The following KLHL29 variants were observed in gnomAD, a reference collection of about 807,000 sequenced individuals.
KLHL29 encodes kelch like family member 29.
KLHL29 carries 21 observed loss-of-function variants against 80.4 expected under a neutral mutation model. That is an observed-to-expected ratio of 0.26 (90% CI 0.19 to 0.38). The LOEUF (loss-of-function observed/expected upper bound fraction) is 0.38. Ranked by LOEUF, KLHL29 falls within the 10% of genes least tolerant of loss-of-function variation. The pLI, the probability that KLHL29 is intolerant of heterozygous loss-of-function variation, is 1.00. For synonymous variants in KLHL29, 511 were observed against 526.8 expected, an observed-to-expected ratio of 0.97 and a Z score of 0.41; for missense variants, 867 against 1,223.9, an observed-to-expected ratio of 0.71 and a Z score of 4.35.
chr2:23,628,271 G>A (rs550265874), intron 3 of KLHL29, among the ~76,000 whole-genome samples: 53 of 152,298 alleles, frequency 3.5e-4, no homozygotes, highest in Non-Finnish European at 5.9e-4. Context: ...AAAGGGAGTC[G>A]CAGATAATGG....
chr2:23,646,557 A>T (rs892279973), intron 5 of KLHL29, among the ~76,000 whole-genome samples: 1 of 152,080 alleles, frequency 6.6e-6, no homozygotes, highest in African/African-American at 2.4e-5. Flanking sequence ...CGGACTTCAT[A>T]TTTTGCAGGG....
intron 1 of KLHL29, among the ~76,000 whole-genome samples, chr2:23,468,206 C>T (rs1320643275): frequency 2.0e-5 from 3 of 152,014 alleles, no homozygotes; most frequent in African/African-American, 7.2e-5. Flanking sequence ...TGGTCATTGC[C>T]ATCAAACGGC....
At chr2:23,583,435 C>T (rs138720621) in intron 3 of KLHL29, among the ~76,000 whole-genome samples, 33 of 152,306 alleles carry the variant, frequency 2.2e-4, no homozygotes, top group Non-Finnish European at 3.5e-4. Flanking sequence ...TCCTTGGTGT[C>T]GAAAAATGTT....
Position 23,533,842 on chromosome 2 carries a change from A to G in KLHL29, c.-45-28310A>G, listed in dbSNP as rs576503735. Among the ~76,000 whole-genome samples the G allele has an allele frequency of 4.7e-4, 71 of 152,238 alleles. 1 individual carries two copies. In the South Asian group the frequency reaches 0.013, roughly 27 times the overall value. On this transcript the variant is annotated intron_variant, in intron 2 of 13. Transcript: ENST00000486442. ...AACCTTTGTGAACCCGGTTTGGGCT[A>G]TTTTGTATCAATAAGACTGCTTTCA...
chr2:23,508,919 C>T (rs545344743), intron 2 of KLHL29, among the ~76,000 whole-genome samples: 1 of 152,344 alleles, frequency 6.6e-6, no homozygotes, highest in East Asian at 1.9e-4. Flanking sequence ...AATCCTGGCT[C>T]TGTCACTTAC....
Position 23,421,562 on chromosome 2 carries a change from G to GTGTGTC in KLHL29, c.-154+35785_-154+35786insGTCTGT, listed in dbSNP as rs1662805590. 3.5e-5 allele frequency among the ~76,000 whole-genome samples: 5 copies of GTGTGTC among 141,166 alleles called. No homozygotes were observed. In the South Asian group the frequency reaches 9.1e-4, roughly 26 times the overall value. 92.6% of individuals were successfully genotyped at this position (141,166 alleles called of 152,430 possible). On this transcript the variant is annotated intron_variant, in intron 1 of 13. Coordinates refer to ENST00000486442, the MANE Select transcript of KLHL29 (RefSeq NM_052920.2). ...TGTGTGTGTGTGTGTGTGTGTGTGTGTGTCTGTAGCTGTGTGTGTCTGTGT... is the reference window on the plus strand; with the variant it reads ...TGTGTGTGTGTGTGTGTGTGTGTGTGTGTGTCTGTCTGTAGCTGTGTGTGTCTGTGT...
chr2:23,623,167 G>T (rs1285506747), intron 3 of KLHL29, among the ~76,000 whole-genome samples: 1 of 152,148 alleles, frequency 6.6e-6, no homozygotes, highest in Non-Finnish European at 1.5e-5. Flanking sequence ...ATGTGAGGTG[G>T]CCTGGGATGT....
At chr2:23,588,049 C>G (rs773155760) in intron 3 of KLHL29, among the ~76,000 whole-genome samples, 8 of 152,218 alleles carry the variant, frequency 5.3e-5, no homozygotes, top group African/African-American at 1.9e-4. Flanking sequence ...GCCCTCACCT[C>G]CCTCATCCTT....
rs919448778 is a variant in KLHL29 at position 23,562,102 on chromosome 2, G to T, written c.-45-50G>T. ...GGCTTCATGGATGCTGTCAGTTGTC[G>T]CTGCCTGCTCCAGTCCTAAATCACC... On this transcript the variant is annotated intron_variant, in intron 2 of 13. Coordinates refer to ENST00000486442, the MANE Select transcript of KLHL29 (RefSeq NM_052920.2). The surrounding 1 kb of genome is among the most constrained non-coding windows in gnomAD (Gnocchi z 4.5). The T allele has an allele frequency of 6.9e-7, 1 of 1,439,538 alleles. No individual in the cohort carries two copies. The highest frequency in any genetic ancestry group is 9.4e-7 in the Non-Finnish European group (1 of 1,063,746). 89.2% of individuals were successfully genotyped at this position (1,439,538 alleles called of 1,614,324 possible).
At chr2:23,595,534 G>C (rs1012753472) in intron 3 of KLHL29, among the ~76,000 whole-genome samples, 4 of 152,248 alleles carry the variant, frequency 2.6e-5, no homozygotes, top group Non-Finnish European at 5.9e-5. Flanking sequence ...GACACTGGCA[G>C]AGGTACAGTC....
intron 2 of KLHL29, among the ~76,000 whole-genome samples, chr2:23,522,964 C>T (rs1056148183): frequency 4.0e-5 from 6 of 151,730 alleles, no homozygotes; most frequent in African/African-American, 7.3e-5. Context: ...GAGCTGACCA[C>T]GAGAGCAGGT....
intron 3 of KLHL29, among the ~76,000 whole-genome samples, chr2:23,583,956 C>T (rs1036118678): frequency 2.0e-5 from 3 of 152,192 alleles, no homozygotes; most frequent in Admixed American, 6.5e-5. Flanking sequence ...CACTCCTTCC[C>T]GTTAAAGACT....
At position 23,684,308 on chromosome 2, in the gene KLHL29, C is replaced by T; in HGVS notation, c.941-91C>T. The T allele has an allele frequency of 1.0e-6, 1 of 988,422 alleles. No individual in the cohort carries two copies. The highest frequency in any genetic ancestry group is 3.7e-5 in the Admixed American group (1 of 26,688). The allele number at this position is 988,422 out of a possible 1,614,324, so 61.2% of individuals were successfully genotyped here. On this transcript the variant is annotated intron_variant, in intron 5 of 13. Transcript: ENST00000486442. The surrounding 1 kb of genome is among the most constrained non-coding windows in gnomAD (Gnocchi z 4.4). The stretch of plus-strand genomic sequence containing the variant: ...ATATCAAGTATTTCCTATTTCTCTA[C>T]TTCTTGAAAAAAGAAAAAAAACTTT...
intron 3 of KLHL29, among the ~76,000 whole-genome samples, chr2:23,578,915 G>C (rs1184220591): frequency 6.6e-6 from 1 of 152,172 alleles, no homozygotes; most frequent in Non-Finnish European, 1.5e-5. Flanking sequence ...GTAGCACCTC[G>C]CTAATTAAAG....
chr2:23,526,484 C>T (rs1382691654), intron 2 of KLHL29, among the ~76,000 whole-genome samples: 1 of 152,188 alleles, frequency 6.6e-6, no homozygotes, highest in Non-Finnish European at 1.5e-5. Flanking sequence ...CCTGAGACGC[C>T]CTGAATTCCA....
intron 3 of KLHL29, among the ~76,000 whole-genome samples, chr2:23,624,963 A>G (rs907846943): frequency 6.6e-6 from 1 of 152,224 alleles, no homozygotes; most frequent in Non-Finnish European, 1.5e-5. Flanking sequence ...GAGAGGTGGT[A>G]TGACTTGTGC....
chr2:23,647,705 C>G lies in KLHL29; in HGVS notation c.940+4855C>G, dbSNP rs1457013666. Among the ~76,000 whole-genome samples the G allele has an allele frequency of 6.6e-6, 1 of 152,168 alleles. No individual in the cohort carries two copies. The highest frequency in any genetic ancestry group is 1.5e-5 in the Non-Finnish European group (1 of 68,040). On this transcript the variant is annotated intron_variant, in intron 5 of 13. Transcript: ENST00000486442. The surrounding 1 kb of genome is among the most constrained non-coding windows in gnomAD (Gnocchi z 4.9). ...CACCCTGTCCAACAACCCAGTTGCT[C>G]TGGGGACAACGGCCAGCGCTGACTC...
chr2:23,562,380 C>T lies in KLHL29; in HGVS notation c.184C>T (p.Arg62Trp), dbSNP rs1008330384. The change falls in exon 3 of 14, where the codon CGG becomes TGG. Residue 62 changes from arginine to tryptophan, a missense_variant. Around this residue, in one of 2 missense-constraint regions of KLHL29, gnomAD observed 424 missense variants for 456.9 expected, o/e 0.93. Transcript: ENST00000486442. This position sits in a 1 kb window ranked among gnomAD's most constrained non-coding sequence, Gnocchi z 4.5. The part of the protein sequence containing the change: ...GLLPLPVVPS[R>W]LPTPATAPAP... Reference sequence around the variant, plus strand: ...CCTGCCGCTGCCCGTGGTGCCCTCCCGGCTGCCCACCCCGGCTACAGCTCC... The same window carrying T: ...CCTGCCGCTGCCCGTGGTGCCCTCCTGGCTGCCCACCCCGGCTACAGCTCC... The T allele has an allele frequency of 1.0e-5, 16 of 1,539,872 alleles. No homozygotes were observed. The highest frequency in any genetic ancestry group is 1.4e-5 in the African/African-American group (1 of 72,990).
At chr2:23,616,804 C>T (rs1669019520) in intron 3 of KLHL29, 1 of 152,258 alleles carries the variant, frequency 6.6e-6, no homozygotes, top group African/African-American at 2.4e-5. Flanking sequence ...CTGTGTGACT[C>T]TGGCACCGTT....
Sources: allele counts gnomAD v4.1 joint callset (sites outside exome capture counted in the v4.1 genomes callset), GRCh38; gene constraint gnomAD v4.1.1; regional missense constraint gnomAD v4.1.1; non-coding constraint Gnocchi (gnomAD v3.1); transcripts MANE v1.5; gene names NCBI Gene and HGNC (gene_info 2026-07-23, HGNC 2026-07-21).